Variants in CACNA1C observed in about 807,000 individuals in gnomAD.
CACNA1C encodes the protein calcium voltage-gated channel subunit alpha1 C.
A neutral mutation model predicts 229.0 loss-of-function variants in CACNA1C; 30 were observed. That is an observed-to-expected ratio of 0.13 (90% CI 0.10 to 0.18). The LOEUF (loss-of-function observed/expected upper bound fraction) is 0.18. Ranked by LOEUF, CACNA1C falls within the 10% of genes least tolerant of loss-of-function variation. CACNA1C has a pLI of 1.00. For synonymous variants in CACNA1C, 1,114 were observed against 1,132.5 expected (o/e 0.98, Z 0.33); for missense variants, 1,658 against 2,845.0 (o/e 0.58, Z 9.49).
intron 29 of CACNA1C, 48 bp from the exon 30 acceptor site, chr12:2,634,249 C>A: frequency 1.5e-5 from 5 of 325,350 alleles, no homozygotes; most frequent in African/African-American, 7.1e-5. Context: ...TTTGTCCTTT[C>A]TTGTTGGTTC....
At chr12:2,250,184 C>T (rs1327801290) in intron 3 of CACNA1C, among the ~76,000 whole-genome samples, 2 of 152,198 alleles carry the variant, frequency 1.3e-5, no homozygotes, top group Non-Finnish European at 2.9e-5. Context: ...CAGTGCCTCA[C>T]AGAGCCCACC....
Position 2,450,553 on chromosome 12 carries a change from C to CAAAAAAA in CACNA1C, c.617+1457_617+1463dup, listed in dbSNP as rs796416420. Among the ~76,000 whole-genome samples, 15 of 39,008 alleles carry CAAAAAAA rather than the reference C, an allele frequency of 3.8e-4. 3 individuals are homozygous for CAAAAAAA. The highest frequency in any genetic ancestry group is 1.4e-3 in the Admixed American group (3 of 2,206). The allele number at this position is 39,008 out of a possible 152,430, so 25.6% of individuals were successfully genotyped here. On this transcript the variant is annotated intron_variant, in intron 4 of 46. Coordinates refer to ENST00000399655, the MANE Select transcript of CACNA1C (RefSeq NM_000719.7). ...TGGGCAACAGAGCGAGACTCCATCT[C>CAAAAAAA]AAAAAAAAAAAAAAAAAAAAAAAAA...
chr12:2,497,873 A>G (rs1195222555), intron 7 of CACNA1C, among the ~76,000 whole-genome samples: 1 of 151,996 alleles, frequency 6.6e-6, no homozygotes, highest in Non-Finnish European at 1.5e-5. Flanking sequence ...CAAAAATCTA[A>G]TGAGTTAACT....
At chr12:1,988,620 A>G (rs1447603768) in intron 1 of CACNA1C, among the ~76,000 whole-genome samples, 1 of 152,108 alleles carries the variant, frequency 6.6e-6, no homozygotes, top group Non-Finnish European at 1.5e-5. Flanking sequence ...CTTTGGGTTT[A>G]TGTCTTTTTA....
At chr12:2,453,082 C>A (rs143588947) in intron 4 of CACNA1C, among the ~76,000 whole-genome samples, 2 of 152,260 alleles carry the variant, frequency 1.3e-5, no homozygotes, top group African/African-American at 4.8e-5. Flanking sequence ...CTTCGTTCGG[C>A]TGCAGAACCC....
At position 2,113,752 on chromosome 12, in the gene CACNA1C, C is replaced by T. The variant is rs2082690621; in HGVS notation, c.50-1472C>T. 2.0e-5 allele frequency among the ~76,000 whole-genome samples: 3 copies of T among 152,328 alleles called. No individual in the cohort carries two copies. The South Asian group carries it at 6.2e-4, about 32-fold the overall frequency. On this transcript the variant is annotated intron_variant, in intron 1 of 46. Coordinates refer to ENST00000399655, the MANE Select transcript of CACNA1C (RefSeq NM_000719.7). ...GGTCATGCATGTGTTCTGGGAGATT[C>T]AGGTTTGGGCCAGGCTGAGCTGATC...
At chr12:2,572,944 TCTC>T (rs1156740535) in intron 13 of CACNA1C, among the ~76,000 whole-genome samples, 1 of 83,864 alleles carries the variant, frequency 1.2e-5, no homozygotes. Flanking sequence ...TCCTCCTCCT[TCTC>T]CTCTTCCTCT....
rs902645449 is a variant in CACNA1C at position 2,146,435 on chromosome 12, G to A, written c.477+26005G>A. On this transcript the variant is annotated intron_variant, in intron 3 of 46. Transcript: ENST00000399655. ...AATATTGATTGAGTAGCAGTATGTG[G>A]CAAGGGACTCACAAATACATTTTGG... Among the ~76,000 whole-genome samples, 13 of 151,246 alleles carry A rather than the reference G, an allele frequency of 8.6e-5. 2 individuals are homozygous for A. Among genetic ancestry groups the A allele is most frequent in the Non-Finnish European group, 1.8e-4 (12 of 67,624 alleles).
At chr12:2,100,950 C>T (rs1217015495) in intron 1 of CACNA1C, among the ~76,000 whole-genome samples, 9 of 145,052 alleles carry the variant, frequency 6.2e-5, no homozygotes, top group Admixed American at 2.8e-4. Flanking sequence ...TGCAGTGAGC[C>T]GTGATTCTGC....
intron 30 of CACNA1C, among the ~76,000 whole-genome samples, chr12:2,644,076 T>A (rs1189991227): frequency 6.6e-6 from 1 of 152,186 alleles, no homozygotes; most frequent in African/African-American, 2.4e-5. Flanking sequence ...CAAGACATTT[T>A]AAAAAATATA....
At chr12:2,541,480 CT>C (rs1568318071) in intron 9 of CACNA1C, among the ~76,000 whole-genome samples, 1 of 152,190 alleles carries the variant, frequency 6.6e-6, no homozygotes, top group African/African-American at 2.4e-5. Flanking sequence ...AGCCTGGACA[CT>C]GGATCCCAGC....
intron 3 of CACNA1C, among the ~76,000 whole-genome samples, chr12:2,278,859 A>C (rs997811869): frequency 2.0e-5 from 3 of 152,188 alleles, no homozygotes; most frequent in Non-Finnish European, 4.4e-5. Context: ...GCAGTGTATG[A>C]GAGTTTTGGT....
intron 38 of CACNA1C, among the ~76,000 whole-genome samples, chr12:2,670,379 C>G (rs920078988): frequency 2.6e-5 from 4 of 152,146 alleles, no homozygotes; most frequent in African/African-American, 9.7e-5. Context: ...TCTCTCTCTA[C>G]TTCAGTTGCT....
chr12:2,011,146 A>T (rs1280083224), intron 1 of CACNA1C: 1 of 80,938 alleles, frequency 1.2e-5, no homozygotes, highest in Admixed American at 1.4e-4. Context: ...AGCGAAACTG[A>T]GTCTCAAAAA....
In CACNA1C at chr12:2,034,342, A is replaced by C. The variant is rs1433935633; in HGVS notation, c.139+63141A>C. Among the ~76,000 whole-genome samples, 1 of 152,212 alleles carries C rather than the reference A, an allele frequency of 6.6e-6. No homozygotes were observed. The highest frequency in any genetic ancestry group is 2.4e-5 in the African/African-American group (1 of 41,458). On this transcript the variant is annotated intron_variant, in intron 1 of 46. Transcript: ENST00000682462. The surrounding 1 kb of genome is among the most constrained non-coding windows in gnomAD (Gnocchi z 4.1). ...GTACACTTTCTCCGTGAGATGCCAG[A>C]TAACTGAAAGAGAACTACAGGGAAG...
chr12:2,289,235 G>A (rs1266368934), intron 3 of CACNA1C, among the ~76,000 whole-genome samples: 1 of 152,156 alleles, frequency 6.6e-6, no homozygotes, highest in African/African-American at 2.4e-5. Flanking sequence ...AAAAGGAGCA[G>A]GTGGGAAAAA....
Position 2,354,839 on chromosome 12 carries a change from G to A in CACNA1C, c.478-94137G>A, listed in dbSNP as rs1185091644. On this transcript the variant is annotated intron_variant, in intron 3 of 46. Transcript: ENST00000399655. The surrounding 1 kb of genome is among the most constrained non-coding windows in gnomAD (Gnocchi z 4.6). ...TGCTCTCCACCTTCCAGGCTTAGCTGGAGTAACCATTTCAGAGCTGGTCGT... is the reference window on the plus strand; with the variant it reads ...TGCTCTCCACCTTCCAGGCTTAGCTAGAGTAACCATTTCAGAGCTGGTCGT... Among the ~76,000 whole-genome samples the A allele has an allele frequency of 6.6e-6, 1 of 152,186 alleles. No individual in the cohort carries two copies. The highest frequency in any genetic ancestry group is 1.9e-4 in the East Asian group (1 of 5,178).
In CACNA1C at chr12:2,641,341, C is replaced by T. The variant is rs142215525; in HGVS notation, c.3912+6961C>T. ...CACAGGTTTTTCACAGCAAGCTGAC[C>T]GGAACTCCCGGTCAGTAGGGGGCTC... is the stretch of plus-strand genomic sequence containing the variant. On this transcript the variant is annotated intron_variant, in intron 30 of 46. Transcript: ENST00000399655. 1.3e-3 allele frequency: 241 copies of T among 182,832 alleles called. 7 individuals are homozygous for T. The Admixed American group carries it at 0.013, about 10-fold the overall frequency. The allele number at this position is 182,832 out of a possible 1,614,324, so 11.3% of individuals were successfully genotyped here.
intron 9 of CACNA1C, among the ~76,000 whole-genome samples, chr12:2,523,022 G>A (rs1598829848): frequency 6.6e-6 from 1 of 151,852 alleles, no homozygotes; most frequent in South Asian, 2.1e-4. Flanking sequence ...CCAGAAGTGG[G>A]CCCTCCAGTC....
Sources: allele counts gnomAD v4.1 joint callset (sites outside exome capture counted in the v4.1 genomes callset), GRCh38; gene constraint gnomAD v4.1.1; non-coding constraint Gnocchi (gnomAD v3.1); transcripts MANE v1.5; gene names NCBI Gene and HGNC (gene_info 2026-07-23, HGNC 2026-07-21).